The following DOCK2 variants were observed in gnomAD, a reference collection of about 807,000 sequenced individuals.
DOCK2 encodes the protein dedicator of cytokinesis protein 2.
In DOCK2, 87 loss-of-function variants were observed where a neutral mutation model predicts 248.9. The observed-to-expected ratio is 0.35, with a 90% CI of 0.29 to 0.42. DOCK2 has a LOEUF of 0.42. Ranked by LOEUF, DOCK2 falls within the 10% of genes least tolerant of loss-of-function variation. The pLI, the probability that DOCK2 is intolerant of heterozygous loss-of-function variation, is 1.00. For missense variants in DOCK2, 1,747 were observed against 2,300.2 expected (o/e 0.76, Z 4.92); for synonymous variants, 805 against 821.6 (o/e 0.98, Z 0.35).
chr5:169,686,481 A>G (rs541962451), intron 8 of DOCK2, among the ~76,000 whole-genome samples: 69 of 152,318 alleles, frequency 4.5e-4, no homozygotes, highest in African/African-American at 1.6e-3. Context: ...GGGGATGAAC[A>G]GAGAGAGGAG....
At chr5:169,887,081 C>G (rs1333449270) in intron 27 of DOCK2, among the ~76,000 whole-genome samples, 1 of 152,198 alleles carries the variant, frequency 6.6e-6, no homozygotes, top group Non-Finnish European at 1.5e-5. Flanking sequence ...TTTGGACCCA[C>G]AGACTGACCC....
At chr5:169,867,681 A>G (rs1278189291) in intron 27 of DOCK2, among the ~76,000 whole-genome samples, 10 of 151,822 alleles carry the variant, frequency 6.6e-5, no homozygotes, top group Non-Finnish European at 1.5e-4. Flanking sequence ...CTATCTATTG[A>G]TCCCCCCACA....
At position 170,077,691 on chromosome 5, in the gene DOCK2, C is replaced by A; in HGVS notation, c.4867-19C>A. 1.2e-6 allele frequency: 2 copies of A among 1,613,186 alleles called. No individual in the cohort carries two copies. Among genetic ancestry groups the A allele is most frequent in the Non-Finnish European group, 1.7e-6 (2 of 1,179,540 alleles). On this transcript the variant is annotated intron_variant, in intron 47 of 51. Coordinates refer to ENST00000520908, the MANE Select transcript of DOCK2 (RefSeq NM_004946.3). ...TTCCCCAGGCTACAGCTGCTAACCA[C>A]CCTGTTCTCCCACCACAGCCTGACT...
chr5:170,032,044 T>TCC (rs367862288), intron 34 of DOCK2, among the ~76,000 whole-genome samples: 13,237 of 148,298 alleles, frequency 0.089, 1,033 homozygotes, highest in African/African-American at 0.21. Context: ...TTTTTTTTTT[T>TCC]GAGACGGAGT....
At chr5:169,693,965 A>T (rs977841494) in intron 9 of DOCK2, among the ~76,000 whole-genome samples, 5 of 152,250 alleles carry the variant, frequency 3.3e-5, no homozygotes, top group Non-Finnish European at 5.9e-5. Flanking sequence ...GATATTAATC[A>T]GGTCTACAAA....
At chr5:170,045,950 C>A in intron 39 of DOCK2, 45 bp downstream of exon 39, 1 of 1,569,634 alleles carries the variant, frequency 6.4e-7, no homozygotes, top group Non-Finnish European at 8.8e-7. Context: ...AGGCTGGGTG[C>A]TCAGGGCCTC....
chr5:170,000,716 T>G (rs924777558), intron 30 of DOCK2, among the ~76,000 whole-genome samples: 1 of 152,200 alleles, frequency 6.6e-6, no homozygotes, highest in African/African-American at 2.4e-5. Flanking sequence ...GGTATTGAGA[T>G]CATTCTCTCT....
At chr5:169,738,509 C>T (rs1166657536) in intron 22 of DOCK2, among the ~76,000 whole-genome samples, 1 of 152,112 alleles carries the variant, frequency 6.6e-6, no homozygotes, top group African/African-American at 2.4e-5. Flanking sequence ...GACTTGGGCA[C>T]CAGTGGGGCC....
At chr5:170,017,683 A>C (rs563917210) in intron 32 of DOCK2, among the ~76,000 whole-genome samples, 1 of 152,284 alleles carries the variant, frequency 6.6e-6, no homozygotes, top group Admixed American at 6.5e-5. Flanking sequence ...TATTGTTCCA[A>C]GTTACAGATG....
At chr5:169,888,007 A>C (rs751267151) in intron 27 of DOCK2, among the ~76,000 whole-genome samples, 11 of 152,186 alleles carry the variant, frequency 7.2e-5, no homozygotes, top group Non-Finnish European at 1.3e-4. Context: ...TCACATGTTT[A>C]TTGGTTTTAC....
chr5:169,739,915 T>C (rs1403760909), intron 22 of DOCK2, among the ~76,000 whole-genome samples: 2 of 152,210 alleles, frequency 1.3e-5, no homozygotes, highest in Non-Finnish European at 2.9e-5. Flanking sequence ...GAAAGAGAGA[T>C]AGAGAGTGTG....
At chr5:170,055,454 G>A (rs1757092459) in intron 42 of DOCK2, 68 bp downstream of exon 42, 2 of 1,462,014 alleles carry the variant, frequency 1.4e-6, no homozygotes, top group Non-Finnish European at 1.9e-6. Context: ...AAACTGAGCT[G>A]GTGGCAGAAC....
Position 169,995,039 on chromosome 5 carries a change from T to A in DOCK2, c.2994-1047T>A, listed in dbSNP as rs561660882. Among the ~76,000 whole-genome samples, 776 of 151,558 alleles carry A rather than the reference T, an allele frequency of 5.1e-3. 5 individuals are homozygous for A. Among genetic ancestry groups the A allele is most frequent in the Middle Eastern group, 0.044 (13 of 294 alleles). On this transcript the variant is annotated intron_variant, in intron 29 of 51. Transcript: ENST00000520908. ...GTATTGTTATTTTTTATTTTTTTTT[T>A]TTTTTTTTTGAGAGAGACTCTCACT...
intron 46 of DOCK2, among the ~76,000 whole-genome samples, chr5:170,074,236 C>G (rs992990413): frequency 6.6e-6 from 1 of 152,090 alleles, no homozygotes; most frequent in Non-Finnish European, 1.5e-5. Flanking sequence ...TTCTTAGGCT[C>G]TCTTTATTCT....
chr5:169,766,589 T>G (rs1044284722), intron 25 of DOCK2, among the ~76,000 whole-genome samples: 1 of 152,184 alleles, frequency 6.6e-6, no homozygotes, highest in African/African-American at 2.4e-5. Flanking sequence ...TTTATCCTCC[T>G]TTGCATACAT....
At chr5:169,948,481 CTA>C (rs1386967715) in intron 27 of DOCK2, among the ~76,000 whole-genome samples, 1 of 152,112 alleles carries the variant, frequency 6.6e-6, no homozygotes, top group Non-Finnish European at 1.5e-5. Flanking sequence ...CTCTCTCTCT[CTA>C]TCTGTATATC....
intron 27 of DOCK2, among the ~76,000 whole-genome samples, chr5:169,844,952 T>G (rs1367562395): frequency 6.6e-6 from 1 of 152,038 alleles, no homozygotes; most frequent in Non-Finnish European, 1.5e-5. Flanking sequence ...TTTAGCAGTT[T>G]ATGAGAACCT....
At position 169,819,724 on chromosome 5, in the gene DOCK2, C is replaced by T. The variant is rs562316318; in HGVS notation, c.2703+16518C>T. Reference sequence around the variant, plus strand: ...CAGAAGACGGGTGATTTCTGCCTTTCCAACTGAGGTACCGGGTTCATCTCA... The same window carrying T: ...CAGAAGACGGGTGATTTCTGCCTTTTCAACTGAGGTACCGGGTTCATCTCA... On this transcript the variant is annotated intron_variant, in intron 26 of 51. Coordinates refer to ENST00000520908, the MANE Select transcript of DOCK2 (RefSeq NM_004946.3). 1.6e-4 allele frequency among the ~76,000 whole-genome samples: 25 copies of T among 152,332 alleles called. No individual in the cohort carries two copies. The South Asian group carries it at 5.2e-3, about 32-fold the overall frequency.
chr5:170,059,109 T>C (rs1445205886), intron 44 of DOCK2, among the ~76,000 whole-genome samples: 1 of 152,162 alleles, frequency 6.6e-6, no homozygotes, highest in Non-Finnish European at 1.5e-5. Context: ...GGTATGACTT[T>C]AACCTCCCCT....
Sources: allele counts gnomAD v4.1 joint callset (sites outside exome capture counted in the v4.1 genomes callset), GRCh38; gene constraint gnomAD v4.1.1; transcripts MANE v1.5; gene names NCBI Gene and HGNC (gene_info 2026-07-23, HGNC 2026-07-21).